Variants in PTCHD4 observed in about 807,000 individuals in gnomAD.
PTCHD4 encodes patched domain-containing protein 4.
A neutral mutation model predicts 58.1 loss-of-function variants in PTCHD4; 33 were observed. That is an observed-to-expected ratio of 0.57 (90% CI 0.43 to 0.76). The LOEUF is 0.76. Among genes scored for constraint, PTCHD4 ranks in the 30% least tolerant of loss-of-function variants. PTCHD4 has a pLI of 0.00. For synonymous variants in PTCHD4, 478 were observed against 409.6 expected, an observed-to-expected ratio of 1.17 and a Z score of -2.02; for missense variants, 1,058 against 1,027.1, an observed-to-expected ratio of 1.03 and a Z score of -0.41.
At chr6:48,052,161 A>C (rs1246473639) in intron 3 of PTCHD4, among the ~76,000 whole-genome samples, 1 of 152,090 alleles carries the variant, frequency 6.6e-6, no homozygotes. Flanking sequence ...ATCTTTATAA[A>C]TAACACATCA....
intron 1 of PTCHD4, among the ~76,000 whole-genome samples, chr6:48,110,181 A>T (rs1765836246): frequency 6.6e-6 from 1 of 152,228 alleles, no homozygotes; most frequent in African/African-American, 2.4e-5. Context: ...AGCATTATTT[A>T]CAATAGCCAA....
intron 3 of PTCHD4, among the ~76,000 whole-genome samples, chr6:48,039,918 A>G (rs1763784244): frequency 1.3e-5 from 2 of 152,098 alleles, no homozygotes; most frequent in Non-Finnish European, 1.5e-5. Flanking sequence ...AGTTCTTCTC[A>G]GACTTTTGTG....
intron 4 of PTCHD4, among the ~76,000 whole-genome samples, chr6:47,916,511 GA>G (rs1765249438): frequency 6.6e-6 from 1 of 152,026 alleles, no homozygotes; most frequent in African/African-American, 2.4e-5. Context: ...AGTCGATTAG[GA>G]AAATCTGCCC....
chr6:48,069,249 G>A lies in PTCHD4; in HGVS notation c.-292C>T, dbSNP rs898925485. On this transcript the variant is annotated 5_prime_UTR_variant, in exon 2 of 5. Transcript: ENST00000339488. ...TTTAAGATGCTGACAGTTATTTTTAGAGTTTTGTGTTCCCTCTTCCCTCCC... is the reference window on the plus strand; with the variant it reads ...TTTAAGATGCTGACAGTTATTTTTAAAGTTTTGTGTTCCCTCTTCCCTCCC... Among the ~76,000 whole-genome samples the A allele has an allele frequency of 6.6e-6, 1 of 151,510 alleles. No homozygotes were observed. Among genetic ancestry groups the A allele is most frequent in the Non-Finnish European group, 1.5e-5 (1 of 67,930 alleles).
intron 4 of PTCHD4, among the ~76,000 whole-genome samples, chr6:47,917,707 T>A (rs774313099): frequency 2.6e-5 from 4 of 152,136 alleles, no homozygotes; most frequent in Non-Finnish European, 4.4e-5. Flanking sequence ...ATGTCTCCTA[T>A]GTGGAGTTAT....
In PTCHD4 at chr6:47,861,145, C is replaced by A. The variant is rs887028164; in HGVS notation, c.*17158G>T. On this transcript the variant is annotated 3_prime_UTR_variant, in exon 5 of 5. Coordinates refer to ENST00000339488, the MANE Select transcript of PTCHD4 (RefSeq NM_001384253.1). ...GAAGGGCAAGATTGTTTTTCTCCAT[C>A]TGTAGATGAATTCTTCTTTTTACCT... is the stretch of plus-strand genomic sequence containing the variant. Among the ~76,000 whole-genome samples, 1 of 151,946 alleles carries A rather than the reference C, an allele frequency of 6.6e-6. No individual in the cohort carries two copies. Among genetic ancestry groups the A allele is most frequent in the African/African-American group, 2.4e-5 (1 of 41,418 alleles).
intron 3 of PTCHD4, among the ~76,000 whole-genome samples, chr6:48,064,083 G>T (rs332570): frequency 0.16 from 23,710 of 152,140 alleles, 1,889 homozygotes; most frequent in African/African-American, 0.2. Context: ...CATCTGTTCA[G>T]AGGTGTGGTT....
intron 3 of PTCHD4, 68 bp from the exon 4 acceptor site, chr6:48,009,182 A>C: frequency 6.8e-7 from 1 of 1,471,808 alleles, no homozygotes; most frequent in Non-Finnish European, 9.1e-7. Context: ...TCTTACTCTA[A>C]GTGAAGGAGC....
chr6:47,921,539 C>G (rs911837916), intron 4 of PTCHD4, among the ~76,000 whole-genome samples: 5 of 152,124 alleles, frequency 3.3e-5, no homozygotes, highest in African/African-American at 1.2e-4. Flanking sequence ...TGTGACTAAG[C>G]CCTAGACAAT....
chr6:48,063,630 T>C (rs1027719425), intron 3 of PTCHD4, among the ~76,000 whole-genome samples: 5 of 152,126 alleles, frequency 3.3e-5, no homozygotes, highest in African/African-American at 1.2e-4. Flanking sequence ...AAAATGGGAA[T>C]AGAAATAATC....
At position 47,871,675 on chromosome 6, in the gene PTCHD4, T is replaced by C. The variant is rs978161284; in HGVS notation, c.*6628A>G. On this transcript the variant is annotated 3_prime_UTR_variant, in exon 5 of 5. Transcript: ENST00000339488. ...AGGAAAGGTGATAAATAATATTGCT[T>C]TGTGGCTTTAATATATTGCCATTTA... Among the ~76,000 whole-genome samples the C allele has an allele frequency of 6.6e-6, 1 of 151,688 alleles. No homozygotes were observed.
Position 47,876,585 on chromosome 6 carries a change from G to A in PTCHD4, c.*1718C>T, listed in dbSNP as rs1763854607. On this transcript the variant is annotated 3_prime_UTR_variant, in exon 5 of 5. Transcript: ENST00000339488. ...TTTTTCTGAACATAATTGAGTCAAG[G>A]AGTTTTGTTATTTTAGGTATTATTA... is the stretch of plus-strand genomic sequence containing the variant. Among the ~76,000 whole-genome samples, 1 of 151,932 alleles carries A rather than the reference G, an allele frequency of 6.6e-6. No homozygotes were observed. The highest frequency in any genetic ancestry group is 2.4e-5 in the African/African-American group (1 of 41,414).
In PTCHD4 at chr6:47,879,104, T is replaced by G; in HGVS notation, c.1731A>C (p.Leu577Phe). ...GAAAATGCTGGAATTCTGGCTTTTT[T>G]AAAAATGAGCTTTGCAGGACACTGA... is the stretch of plus-strand genomic sequence containing the variant. ...DFISVLQSSFLKKPEFQHFRN... is the reference protein window; with the variant it reads ...DFISVLQSSFFKKPEFQHFRN... The change falls in exon 5 of 5, where the codon TTA (leucine) becomes TTC (phenylalanine). Residue 577 changes from leucine (L) to phenylalanine (F), a missense_variant. Physicochemically the swap from Leu to Phe is conservative, Grantham distance 22. Transcript: ENST00000339488. 1 of 1,612,984 alleles carries G rather than the reference T, an allele frequency of 6.2e-7. No individual in the cohort carries two copies. Among genetic ancestry groups the G allele is most frequent in the East Asian group, 2.2e-5 (1 of 44,856 alleles).
chr6:47,924,546 A>G (rs1765534639), intron 4 of PTCHD4, among the ~76,000 whole-genome samples: 1 of 152,008 alleles, frequency 6.6e-6, no homozygotes, highest in African/African-American at 2.4e-5. Flanking sequence ...TCATTTGTAA[A>G]ATGAGGAACA....
At chr6:48,094,764 C>T (rs1333987676) in intron 1 of PTCHD4, among the ~76,000 whole-genome samples, 1 of 152,040 alleles carries the variant, frequency 6.6e-6, no homozygotes, top group Non-Finnish European at 1.5e-5. Flanking sequence ...TTTAAGATAA[C>T]AGATAAATAT....
In PTCHD4 at chr6:47,860,808, T is replaced by C. The variant is rs112943376; in HGVS notation, c.*17495A>G. Among the ~76,000 whole-genome samples the C allele has an allele frequency of 6.6e-6, 1 of 152,002 alleles. No homozygotes were observed. The highest frequency in any genetic ancestry group is 1.5e-5 in the Non-Finnish European group (1 of 67,938). On this transcript the variant is annotated 3_prime_UTR_variant, in exon 5 of 5. Coordinates refer to ENST00000339488, the MANE Select transcript of PTCHD4 (RefSeq NM_001384253.1). ...GGATTTATCTACTTAAGCAAAGCAA[T>C]TAGGTTACAAATGAACTGGCGATAA...
intron 4 of PTCHD4, among the ~76,000 whole-genome samples, chr6:47,976,004 C>A (rs973989309): frequency 6.6e-5 from 10 of 152,120 alleles, no homozygotes; most frequent in Non-Finnish European, 1.5e-4. Flanking sequence ...TTGGCAATAC[C>A]TTTTTCGAGC....
rs576173856 is a variant in PTCHD4 at position 47,862,911 on chromosome 6, A to G, written c.*15392T>C. On this transcript the variant is annotated 3_prime_UTR_variant, in exon 5 of 5. Transcript: ENST00000339488. ...CCATGAACATAATGACCCATGGTCA[A>G]TTATATCTGGGAAATCAAATACTGT... 5.9e-5 allele frequency among the ~76,000 whole-genome samples: 9 copies of G among 152,042 alleles called. No homozygotes were observed. The East Asian group carries it at 1.6e-3, about 26-fold the overall frequency.
At chr6:48,084,604 C>T (rs1765227290) in intron 1 of PTCHD4, among the ~76,000 whole-genome samples, 1 of 152,254 alleles carries the variant, frequency 6.6e-6, no homozygotes, top group Non-Finnish European at 1.5e-5. Flanking sequence ...ATACATTTCA[C>T]ATATAAGCAC....
Sources: allele counts gnomAD v4.1 joint callset (sites outside exome capture counted in the v4.1 genomes callset), GRCh38; gene constraint gnomAD v4.1.1; transcripts MANE v1.5; gene names NCBI Gene and HGNC (gene_info 2026-07-23, HGNC 2026-07-21).